DAPK1: variants seen among roughly 807,000 people sequenced by gnomAD.
DAPK1 encodes death-associated protein kinase 1.
DAPK1 carries 56 observed loss-of-function variants against 144.9 expected under a neutral mutation model. The observed-to-expected ratio is 0.39, with a 90% CI of 0.31 to 0.48. The LOEUF (loss-of-function observed/expected upper bound fraction) is 0.48, where lower values mean the gene tolerates loss of function less well. Ranked by LOEUF, DAPK1 falls within the 20% of genes least tolerant of loss-of-function variation. The probability of loss-of-function intolerance (pLI) is 0.95; values close to 1 mark genes in which losing one functional copy is unlikely to be tolerated. For missense variants in DAPK1, 1,454 were observed against 1,875.4 expected, an observed-to-expected ratio of 0.78 and a Z score of 4.15; for synonymous variants, 690 against 749.0, an observed-to-expected ratio of 0.92 and a Z score of 1.29.
intron 2 of DAPK1, among the ~76,000 whole-genome samples, chr9:87,562,145 TA>T (rs1169835059): frequency 1.3e-5 from 2 of 152,220 alleles, no homozygotes; most frequent in African/African-American, 2.4e-5. Context: ...GTTCTGTATC[TA>T]CCTGGTGGTC....
At chr9:87,593,604 G>C (rs1587748436) in intron 2 of DAPK1, among the ~76,000 whole-genome samples, 1 of 152,086 alleles carries the variant, frequency 6.6e-6, no homozygotes, top group Non-Finnish European at 1.5e-5. Context: ...CCCTTTAGCT[G>C]GTTCTTCCCC....
intron 3 of DAPK1, among the ~76,000 whole-genome samples, chr9:87,623,643 T>C (rs1049127680): frequency 6.6e-6 from 1 of 151,612 alleles, no homozygotes; most frequent in Non-Finnish European, 1.5e-5. Context: ...GGCTAGAGGG[T>C]GGGTTGGGAG....
intron 2 of DAPK1, among the ~76,000 whole-genome samples, chr9:87,561,813 A>G (rs763764232): frequency 4.6e-5 from 7 of 152,290 alleles, no homozygotes; most frequent in Non-Finnish European, 1.0e-4. Flanking sequence ...GCAGCTCCTC[A>G]GTGCCATTGG....
chr9:87,623,448 G>C (rs1459694125), intron 3 of DAPK1, among the ~76,000 whole-genome samples: 3 of 152,108 alleles, frequency 2.0e-5, no homozygotes, highest in Non-Finnish European at 2.9e-5. Flanking sequence ...TTCTTTTCTT[G>C]GCACAGTTGG....
intron 19 of DAPK1, among the ~76,000 whole-genome samples, chr9:87,671,402 G>GA (rs1342689707): frequency 6.6e-6 from 1 of 151,486 alleles, no homozygotes; most frequent in African/African-American, 2.4e-5. Context: ...TTATAAAATA[G>GA]AAAAAACTAT....
At chr9:87,523,469 T>A (rs1048154269) in intron 2 of DAPK1, among the ~76,000 whole-genome samples, 7 of 152,156 alleles carry the variant, frequency 4.6e-5, no homozygotes, top group Non-Finnish European at 8.8e-5. Flanking sequence ...ACTGATTTTT[T>A]AAAAATTTAT....
chr9:87,517,996 C>T (rs1825125628), intron 2 of DAPK1, among the ~76,000 whole-genome samples: 1 of 152,096 alleles, frequency 6.6e-6, no homozygotes, highest in East Asian at 1.9e-4. Context: ...CCAATCTGCC[C>T]CATAGCACGG....
intron 2 of DAPK1, among the ~76,000 whole-genome samples, chr9:87,559,477 A>G (rs1257546546): frequency 6.6e-6 from 1 of 151,900 alleles, no homozygotes; most frequent in Non-Finnish European, 1.5e-5. Flanking sequence ...TGTTTCCAAA[A>G]AGGTAAATTT....
At chr9:87,698,591 C>T (rs1825345096) in intron 22 of DAPK1, 65 bp from the exon 23 acceptor site, 2 of 1,041,066 alleles carry the variant, frequency 1.9e-6, no homozygotes, top group South Asian at 2.7e-5. Context: ...CCGCCCTCAC[C>T]TGGGCAGGAG....
At chr9:87,593,562 C>T (rs553367208) in intron 2 of DAPK1, among the ~76,000 whole-genome samples, 4 of 152,270 alleles carry the variant, frequency 2.6e-5, no homozygotes, top group East Asian at 1.9e-4. Flanking sequence ...TGACCTATGC[C>T]GTCAGACTAC....
chr9:87,522,538 T>G (rs1825335863), intron 2 of DAPK1, among the ~76,000 whole-genome samples: 1 of 152,246 alleles, frequency 6.6e-6, no homozygotes, highest in Non-Finnish European at 1.5e-5. Context: ...TGTCATTTAT[T>G]TAACCCTTTC....
At chr9:87,645,628 G>T (rs764975918) in intron 11 of DAPK1, among the ~76,000 whole-genome samples, 7 of 152,178 alleles carry the variant, frequency 4.6e-5, no homozygotes, top group Non-Finnish European at 8.8e-5. Context: ...ATCATTATTT[G>T]AAATCTGGAT....
chr9:87,695,761 C>T (rs538222367), intron 21 of DAPK1, among the ~76,000 whole-genome samples: 2 of 152,208 alleles, frequency 1.3e-5, no homozygotes, highest in Non-Finnish European at 2.9e-5. Context: ...AAGTCAGTCC[C>T]TGTTGAGCCA....
At chr9:87,500,352 A>G (rs887155079) in intron 2 of DAPK1, among the ~76,000 whole-genome samples, 1 of 152,198 alleles carries the variant, frequency 6.6e-6, no homozygotes, top group Non-Finnish European at 1.5e-5. Context: ...TTCAAACATC[A>G]CATTTCATGG....
intron 2 of DAPK1, among the ~76,000 whole-genome samples, chr9:87,516,779 G>A (rs1293418331): frequency 6.6e-6 from 1 of 152,116 alleles, no homozygotes; most frequent in Non-Finnish European, 1.5e-5. Flanking sequence ...ATTTTCCCAT[G>A]TGCTAGGTTC....
chr9:87,512,627 A>G (rs1460751411), intron 2 of DAPK1, among the ~76,000 whole-genome samples: 1 of 152,150 alleles, frequency 6.6e-6, no homozygotes, highest in Non-Finnish European at 1.5e-5. Flanking sequence ...TTCAAGAAAC[A>G]TGGCTGCTGT....
intron 10 of DAPK1, 120 bp downstream of exon 10, chr9:87,642,178 A>G (rs1830121807): frequency 2.6e-6 from 2 of 759,886 alleles, no homozygotes; most frequent in Non-Finnish European, 4.4e-6. Context: ...CCTCTTTTTA[A>G]TCCACCCTGT....
At chr9:87,695,831 C>G (rs1825239539) in intron 21 of DAPK1, among the ~76,000 whole-genome samples, 1 of 152,174 alleles carries the variant, frequency 6.6e-6, no homozygotes, top group East Asian at 1.9e-4. Flanking sequence ...TGGCACGTTC[C>G]AAAATTCATG....
chr9:87,667,608 A>G (rs1324371917), intron 18 of DAPK1, among the ~76,000 whole-genome samples: 6 of 152,210 alleles, frequency 3.9e-5, no homozygotes, highest in Admixed American at 3.9e-4. Flanking sequence ...TGAGGAATTG[A>G]GAGGTTGCTG....
Sources: gnomAD v4.1 joint callset for allele counts (sites outside exome capture counted in the v4.1 genomes callset) on GRCh38, gnomAD v4.1.1 for gene constraint, MANE v1.5 for transcripts, NCBI Gene and HGNC (gene_info 2026-07-23, HGNC 2026-07-21) for gene names.